The following TTN variants were observed in gnomAD, a reference collection of about 807,000 sequenced individuals.
TTN encodes connectin.
TTN carries 1,525 observed loss-of-function variants against 3,223.0 expected under a neutral mutation model. That is an observed-to-expected ratio of 0.47 (90% CI 0.45 to 0.49). TTN has a LOEUF of 0.49. Among genes scored for constraint, TTN ranks in the 20% least tolerant of loss-of-function variants. The pLI, the probability that TTN is intolerant of heterozygous loss-of-function variation, is 0.00. For missense variants in TTN, 40,786 were observed against 43,424.0 expected, an observed-to-expected ratio of 0.94 and a Z score of 5.40; for synonymous variants, 14,094 against 15,161.0, an observed-to-expected ratio of 0.93 and a Z score of 5.17.
chr2:178,609,665 T>C lies in TTN; in HGVS notation c.51739+19A>G, dbSNP rs536756644. ...TATTTCAAAATGGGAAAGTGGCAAC[T>C]CCATGAAACAAAACTTACCAATGGG... On this transcript the variant is annotated intron_variant, in intron 272 of 362. Coordinates refer to ENST00000589042, the MANE Select transcript of TTN (RefSeq NM_001267550.2). The C allele has an allele frequency of 6.4e-7, 1 of 1,559,356 alleles. No individual in the cohort carries two copies. Among genetic ancestry groups the C allele is most frequent in the Non-Finnish European group, 8.7e-7 (1 of 1,155,118 alleles).
chr2:178,724,554 A>T lies in TTN; in HGVS notation c.20837-16T>A. On this transcript the variant is annotated splice_polypyrimidine_tract_variant and intron_variant, in intron 71 of 362. Transcript: ENST00000589042. ...ACTGCGGGCTCTGAAATAAAACGTG[A>T]TATCCATCTGTCAAAGTCTGGGATC... 6.4e-7 allele frequency: 1 copy of T among 1,561,550 alleles called. No individual in the cohort carries two copies. Among genetic ancestry groups the T allele is most frequent in the Non-Finnish European group, 8.7e-7 (1 of 1,152,658 alleles).
In TTN at chr2:178,719,352, G is replaced by A. The variant is rs773761640; in HGVS notation, c.24038C>T (p.Pro8013Leu). ...VLECRVSGSA[P>L]ISVGWFQDGN... ...ATCCTGAAACCAGCCAACTGAAATC[G>A]GGGCTGAGCCAGAGACTCGGCACTC... is the stretch of plus-strand genomic sequence containing the variant. Residue 8013 changes from proline (P) to leucine (L), a missense_variant, in exon 83 of 363, where the codon CCG becomes CTG. Pro to Leu is a moderately conservative substitution (Grantham distance 98). Coordinates refer to ENST00000589042, the MANE Select transcript of TTN (RefSeq NM_001267550.2). The A allele has an allele frequency of 5.6e-6, 9 of 1,613,586 alleles. No homozygotes were observed. Among genetic ancestry groups the A allele is most frequent in the African/African-American group, 2.7e-5 (2 of 74,872 alleles).
intron 29 of TTN, 144 bp downstream of exon 29, chr2:178,774,777 T>A: frequency 2.0e-6 from 2 of 991,018 alleles, no homozygotes; most frequent in Non-Finnish European, 2.9e-6. Flanking sequence ...ATTACGAACA[T>A]AAATTTATGA....
chr2:178,784,159 C>T lies in TTN; in HGVS notation c.2686G>A (p.Val896Ile), dbSNP rs376768790. The T allele has an allele frequency of 1.8e-4, 293 of 1,614,128 alleles. No individual in the cohort carries two copies. The highest frequency in any genetic ancestry group is 1.2e-3 in the Middle Eastern group (7 of 6,062). The part of the protein sequence containing the change: ...TPDTYKSEAG[V>I]EVKKEVGVSI... ...ACCCCTACTTCCTTTTTCACCTCAA[C>T]GCCAGCTTCACTCTTGTAAGTATCT... The change falls in exon 16 of 363, where the codon GTT (valine) becomes ATT (isoleucine). Residue 896 changes from valine to isoleucine, a missense_variant. Val to Ile is a conservative substitution (Grantham distance 29). Coordinates refer to ENST00000589042, the MANE Select transcript of TTN (RefSeq NM_001267550.2).
At position 178,702,257 on chromosome 2, in the gene TTN, A is replaced by T. The variant is rs2075141512; in HGVS notation, c.30434-12T>A. ...GACCGAGTAGACACCTAGGGTGAAA[A>T]ATCATCCAACTTTTGTTTTCTGATA... On this transcript the variant is annotated splice_polypyrimidine_tract_variant and intron_variant, in intron 107 of 362. Coordinates refer to ENST00000589042, the MANE Select transcript of TTN (RefSeq NM_001267550.2). 6.2e-7 allele frequency: 1 copy of T among 1,613,724 alleles called. No homozygotes were observed. The highest frequency in any genetic ancestry group is 1.1e-5 in the South Asian group (1 of 91,082).
chr2:178,628,106 CTTA>C (rs2059301231), intron 240 of TTN, among the ~76,000 whole-genome samples: 1 of 152,020 alleles, frequency 6.6e-6, no homozygotes, highest in Non-Finnish European at 1.5e-5. Flanking sequence ...CCAAGAAGAT[CTTA>C]TTATCTGTAT....
intron 29 of TTN, 63 bp from the exon 30 acceptor site, chr2:178,774,536 T>TAG (rs2091968647): frequency 6.6e-7 from 1 of 1,513,670 alleles, no homozygotes; most frequent in Admixed American, 1.8e-5. Flanking sequence ...AGACTTAGGA[T>TAG]AGAGATGATG....
In TTN at chr2:178,802,233, A is replaced by T. The variant is rs952685437; in HGVS notation, c.200T>A (p.Ile67Asn). 2 of 1,613,742 alleles carry T rather than the reference A, an allele frequency of 1.2e-6. No homozygotes were observed. The highest frequency in any genetic ancestry group is 1.7e-6 in the Non-Finnish European group (2 of 1,179,962). The change falls in exon 3 of 363, where the codon ATC becomes AAC. Residue 67 changes from isoleucine (I) to asparagine (N), a missense_variant. Coordinates refer to ENST00000589042, the MANE Select transcript of TTN (RefSeq NM_001267550.2). The stretch of plus-strand genomic sequence containing the variant: ...ACTGTTGGCTTTAGTCACGGCGGGG[A>T]TCGTCAGTTTAGCGCGGCCATCGCT... ...SFSDGRAKLT[I>N]PAVTKANSGR...
chr2:178,748,026 C>T (rs754188405), intron 47 of TTN: 2 of 1,612,984 alleles, frequency 1.2e-6, no homozygotes. Flanking sequence ...GGAAATGCTG[C>T]CAACTCTGGT....
At chr2:178,791,468 G>T (rs1432145341) in intron 10 of TTN, among the ~76,000 whole-genome samples, 1 of 152,116 alleles carries the variant, frequency 6.6e-6, no homozygotes, top group East Asian at 1.9e-4. Flanking sequence ...GAGAGATGTG[G>T]ATTTTAGTGA....
Position 178,588,801 on chromosome 2 carries a change from A to T in TTN, c.62924T>A (p.Val20975Glu), listed in dbSNP as rs758558735. 6.2e-7 allele frequency: 1 copy of T among 1,613,288 alleles called. No homozygotes were observed. Among genetic ancestry groups the T allele is most frequent in the East Asian group, 2.2e-5 (1 of 44,748 alleles). Reference sequence around the variant, plus strand: ...AACCACAGTCATCTCTTCTTTGCTTACTTTAGTGACTTCTGGGGGATCAGG... The same window carrying T: ...AACCACAGTCATCTCTTCTTTGCTTTCTTTAGTGACTTCTGGGGGATCAGG... ...GRPDPPEVTK[V>E]SKEEMTVVWN... The change falls in exon 304 of 363, where the codon GTA becomes GAA. Residue 20975 changes from valine (V) to glutamate (E), a missense_variant. Physicochemically the swap from Val to Glu is moderately radical, Grantham distance 121. Coordinates refer to ENST00000589042, the MANE Select transcript of TTN (RefSeq NM_001267550.2).
Position 178,767,932 on chromosome 2 carries a change from T to A in TTN, c.9306-8A>T, listed in dbSNP as rs745630247. On this transcript the variant is annotated splice_polypyrimidine_tract_variant and splice_region_variant and intron_variant, in intron 39 of 362. Transcript: ENST00000589042. Reference sequence around the variant, plus strand: ...TCCTTCTGAATCTTTATTCTATGGATGAAATGGAAATTCGAGTTTACCGTA... The same window carrying A: ...TCCTTCTGAATCTTTATTCTATGGAAGAAATGGAAATTCGAGTTTACCGTA... The A allele has an allele frequency of 2.5e-6, 4 of 1,614,070 alleles. No homozygotes were observed. Among genetic ancestry groups the A allele is most frequent in the Non-Finnish European group, 3.4e-6 (4 of 1,179,988 alleles).
At chr2:178,604,671 T>G in intron 281 of TTN, 37 bp downstream of exon 281, 2 of 1,549,214 alleles carry the variant, frequency 1.3e-6, no homozygotes, top group Non-Finnish European at 1.7e-6. Context: ...AGTCATGTAC[T>G]TTTAATGTGT....
chr2:178,784,721 T>C (rs2093044406), intron 15 of TTN, among the ~76,000 whole-genome samples: 1 of 152,182 alleles, frequency 6.6e-6, no homozygotes. Context: ...ATTAAGAAAT[T>C]ATTGAAATTG....
chr2:178,785,806 T>A, intron 14 of TTN, 42 bp downstream of exon 14: 2 of 1,614,126 alleles, frequency 1.2e-6, no homozygotes, highest in Non-Finnish European at 1.7e-6. Flanking sequence ...TGAGGCTTGC[T>A]TTACCATGAA....
At chr2:178,669,179 CT>C (rs1336468642) in intron 159 of TTN, among the ~76,000 whole-genome samples, 193 bp downstream of exon 159, 4 of 151,986 alleles carry the variant, frequency 2.6e-5, no homozygotes, top group Non-Finnish European at 4.4e-5. Context: ...TAGAGTATTT[CT>C]TTTTTAAATT....
At position 178,725,360 on chromosome 2, in the gene TTN, G is replaced by A. The variant is rs768718820; in HGVS notation, c.20836+8C>T. ...GCACCAGTTTCTATCGTGGGCTATTGTACCAACCTAAGACCATCAGTGTGG... is the reference window on the plus strand; with the variant it reads ...GCACCAGTTTCTATCGTGGGCTATTATACCAACCTAAGACCATCAGTGTGG... On this transcript the variant is annotated splice_region_variant and intron_variant, in intron 71 of 362. Coordinates refer to ENST00000589042, the MANE Select transcript of TTN (RefSeq NM_001267550.2). 2.0e-6 allele frequency: 3 copies of A among 1,513,222 alleles called. No homozygotes were observed. Among genetic ancestry groups the A allele is most frequent in the Non-Finnish European group, 2.7e-6 (3 of 1,128,394 alleles). The allele number at this position is 1,513,222 out of a possible 1,614,324, so 93.7% of individuals were successfully genotyped here. A position where few individuals can be genotyped will look rare whatever the true frequency, so the allele number is the denominator to read the frequency against.
In TTN at chr2:178,532,948, T is replaced by G; in HGVS notation, c.103667A>C (p.Asp34556Ala). The G allele has an allele frequency of 6.2e-7, 1 of 1,613,774 alleles. No homozygotes were observed. The highest frequency in any genetic ancestry group is 8.5e-7 in the Non-Finnish European group (1 of 1,179,772). ...GGGCACGAACTGCTTGATGCGTTGG[T>G]CTTCTTCTATGGTAGTCTGCTTATA... is the stretch of plus-strand genomic sequence containing the variant. ...RKYKQTTIEE[D>A]QRIKQFVPMS... Residue 34556 changes from aspartate (D) to alanine (A), a missense_variant, in exon 358 of 363, where the codon GAC becomes GCC. Asp to Ala is a moderately radical substitution (Grantham distance 126). Coordinates refer to ENST00000589042, the MANE Select transcript of TTN (RefSeq NM_001267550.2).
At position 178,616,543 on chromosome 2, in the gene TTN, C is replaced by T. The variant is rs778888847; in HGVS notation, c.48248G>A (p.Gly16083Glu). The T allele has an allele frequency of 1.9e-6, 3 of 1,612,424 alleles. No individual in the cohort carries two copies. Among genetic ancestry groups the T allele is most frequent in the South Asian group, 2.2e-5 (2 of 91,010 alleles). Residue 16083 changes from glycine (G) to glutamate (E), a missense_variant, in exon 257 of 363, where the codon GGA becomes GAA. By Grantham distance (98) the Gly-to-Glu change is moderately conservative. Coordinates refer to ENST00000589042, the MANE Select transcript of TTN (RefSeq NM_001267550.2). Reference protein sequence around the residue: ...HLTWEPPDDDGGSPLTGYVVE... With the variant: ...HLTWEPPDDDEGSPLTGYVVE... ...AACGTATCCAGTTAACGGACTTCCT[C>T]CATCATCATCAGGTGGTTCCCAAGT...
Sources: allele counts gnomAD v4.1 joint callset (sites outside exome capture counted in the v4.1 genomes callset), GRCh38; gene constraint gnomAD v4.1.1; transcripts MANE v1.5; gene names NCBI Gene and HGNC (gene_info 2026-07-23, HGNC 2026-07-21).